LGSN: variants seen among roughly 807,000 people sequenced by gnomAD.
LGSN encodes the protein lengsin, lens protein with glutamine synthetase domain.
LGSN carries 21 observed loss-of-function variants against 19.5 expected under a neutral mutation model. The observed-to-expected ratio is 1.07, with a 90% CI of 0.76 to 1.55. The LOEUF (loss-of-function observed/expected upper bound fraction) is 1.55. Ranked by LOEUF, LGSN falls within the 40% of genes most tolerant of loss-of-function variation. The probability of loss-of-function intolerance (pLI) is 0.00; values close to 1 mark genes in which losing one functional copy is unlikely to be tolerated. For synonymous variants in LGSN, 257 were observed against 215.6 expected (o/e 1.19, Z -1.68); for missense variants, 673 against 608.5 (o/e 1.11, Z -1.12).
At chr6:63,330,550 G>A in the LGSN span, among the ~76,000 whole-genome samples, 1 of 152,150 alleles carries the variant, frequency 6.6e-6, no homozygotes, top group African/African-American at 2.4e-5. Flanking sequence ...TTTTCTTAAG[G>A]CCTCTCATAG....
intron 1 of LGSN, among the ~76,000 whole-genome samples, chr6:63,306,229 G>T (rs541742376): frequency 2.4e-4 from 37 of 152,252 alleles, no homozygotes; most frequent in African/African-American, 8.9e-4. Flanking sequence ...ATAACCCACA[G>T]GGGTTAGGTA....
the LGSN span, among the ~76,000 whole-genome samples, chr6:63,477,680 T>C: frequency 7.9e-6 from 1 of 126,772 alleles, no homozygotes; most frequent in Non-Finnish European, 1.6e-5. Flanking sequence ...CTTCTTCTTC[T>C]TTTTTTCTTT....
chr6:63,540,618 C>G, the LGSN span, among the ~76,000 whole-genome samples: 1 of 151,158 alleles, frequency 6.6e-6, no homozygotes. Flanking sequence ...GATAGAGACC[C>G]TGTATCACAA....
the LGSN span, among the ~76,000 whole-genome samples, chr6:63,381,030 CT>C: frequency 1.3e-5 from 2 of 152,056 alleles, no homozygotes; most frequent in South Asian, 4.1e-4. Context: ...AACCTCATCT[CT>C]AAAAAACAAA....
intron 1 of LGSN, 69 bp downstream of exon 1, chr6:63,319,845 A>T: frequency 9.1e-7 from 1 of 1,098,408 alleles, no homozygotes; most frequent in East Asian, 2.4e-5. Flanking sequence ...CATTCAAATA[A>T]TTGACATTTT....
At chr6:63,533,290 G>T in the LGSN span, among the ~76,000 whole-genome samples, 1 of 152,178 alleles carries the variant, frequency 6.6e-6, no homozygotes, top group African/African-American at 2.4e-5. Flanking sequence ...GATGAGGCAT[G>T]AGAATCACTT....
the LGSN span, among the ~76,000 whole-genome samples, chr6:63,378,544 A>C: frequency 2.0e-5 from 3 of 152,196 alleles, no homozygotes; most frequent in Non-Finnish European, 4.4e-5. Flanking sequence ...TTTGGCTCAT[A>C]GTTCTGCAGA....
chr6:63,482,714 T>G, the LGSN span, among the ~76,000 whole-genome samples: 2 of 152,186 alleles, frequency 1.3e-5, no homozygotes, highest in African/African-American at 4.8e-5. Context: ...TCTTTCTTTT[T>G]TTTGGAGACA....
chr6:63,480,784 C>T, the LGSN span, among the ~76,000 whole-genome samples: 1 of 149,760 alleles, frequency 6.7e-6, no homozygotes, highest in African/African-American at 2.5e-5. Flanking sequence ...GCAATTCCAC[C>T]TCTTGGTATC....
At chr6:63,343,355 T>G in the LGSN span, among the ~76,000 whole-genome samples, 9 of 152,200 alleles carry the variant, frequency 5.9e-5, no homozygotes, top group Non-Finnish European at 1.3e-4. Context: ...CCTATCACTT[T>G]GAATTATATG....
the LGSN span, among the ~76,000 whole-genome samples, chr6:63,509,593 A>G: frequency 6.6e-6 from 1 of 152,186 alleles, no homozygotes; most frequent in African/African-American, 2.4e-5. Flanking sequence ...TAAATGTATG[A>G]TATAATAATG....
chr6:63,350,546 A>T, the LGSN span, among the ~76,000 whole-genome samples: 1 of 152,208 alleles, frequency 6.6e-6, no homozygotes, highest in East Asian at 1.9e-4. Context: ...ACATCATAAA[A>T]CTAACTACAA....
At chr6:63,513,843 A>G in the LGSN span, among the ~76,000 whole-genome samples, 1 of 144,512 alleles carries the variant, frequency 6.9e-6, no homozygotes, top group African/African-American at 2.6e-5. Flanking sequence ...CCTAGGAGGC[A>G]GAGGTGTCCG....
chr6:63,545,707 C>T, the LGSN span, among the ~76,000 whole-genome samples: 2,097 of 152,128 alleles, frequency 0.014, 47 homozygotes, highest in African/African-American at 0.048. Context: ...AGGCCTGTTT[C>T]CTTTTAGAGG....
At chr6:63,406,310 A>G in the LGSN span, among the ~76,000 whole-genome samples, 1 of 152,268 alleles carries the variant, frequency 6.6e-6, no homozygotes, top group Admixed American at 6.5e-5. Flanking sequence ...AAAAGAACAG[A>G]AATTATAACA....
chr6:63,485,280 T>C, the LGSN span, among the ~76,000 whole-genome samples: 5 of 152,170 alleles, frequency 3.3e-5, no homozygotes, highest in East Asian at 3.9e-4. Context: ...AGTGAGAACA[T>C]GTGGCATTTG....
the LGSN span, among the ~76,000 whole-genome samples, chr6:63,452,122 C>G: frequency 3.4e-5 from 5 of 148,764 alleles, no homozygotes; most frequent in Non-Finnish European, 1.5e-5. Context: ...GGGACATGAT[C>G]TCTCCTTTTT....
rs1230503594 is a variant in LGSN, at chr6:63,277,212, T to C, written c.*2809A>G. ...GCTTCAAACACTGTGATTATCAGAC[T>C]TTTTACAGCATCTTTACTCATTATG... is the stretch of plus-strand genomic sequence containing the variant. On this transcript the variant is annotated 3_prime_UTR_variant, in exon 4 of 4. Transcript: ENST00000370657. The C allele has an allele frequency of 6.6e-6, 1 of 152,230 alleles. No individual in the cohort carries two copies. The highest frequency in any genetic ancestry group is 1.9e-4 in the East Asian group (1 of 5,202). The allele number at this position is 152,230 out of a possible 1,614,324, so 9.4% of individuals were successfully genotyped here. A position where few individuals can be genotyped will look rare whatever the true frequency, so the allele number is the denominator to read the frequency against.
chr6:63,389,105 G>A, the LGSN span, among the ~76,000 whole-genome samples: 13,822 of 152,130 alleles, frequency 0.091, 1,221 homozygotes, highest in African/African-American at 0.23. Flanking sequence ...CCACCCCTAC[G>A]TGTAAGTAAA....
Sources: gnomAD v4.1 joint callset for allele counts (sites outside exome capture counted in the v4.1 genomes callset) on GRCh38, gnomAD v4.1.1 for gene constraint, MANE v1.5 for transcripts, NCBI Gene and HGNC (gene_info 2026-07-23, HGNC 2026-07-21) for gene names.